The following DGKI variants were observed in gnomAD, a reference collection of about 807,000 sequenced individuals.
The protein encoded by DGKI is diacylglycerol kinase iota.
DGKI carries 55 observed loss-of-function variants against 147.5 expected under a neutral mutation model. That is an observed-to-expected ratio of 0.37 (90% CI 0.30 to 0.47). DGKI has a LOEUF of 0.47. DGKI is among the 20% of genes least tolerant of loss of function. The pLI is 1.00. For missense variants in DGKI, 1,007 were observed against 1,323.8 expected (o/e 0.76, Z 3.71); for synonymous variants, 469 against 477.1 (o/e 0.98, Z 0.22).
chr7:137,456,466 C>A (rs1358268058), intron 27 of DGKI, among the ~76,000 whole-genome samples: 2 of 152,088 alleles, frequency 1.3e-5, no homozygotes, highest in African/African-American at 4.8e-5. Context: ...TCTATTCATC[C>A]CAAAAGCCTG....
At position 137,678,546 on chromosome 7, in the gene DGKI, C is replaced by T. The variant is rs764831520; in HGVS notation, c.606+11G>A. 2.8e-5 allele frequency: 45 copies of T among 1,613,256 alleles called. No homozygotes were observed. The highest frequency in any genetic ancestry group is 2.0e-4 in the African/African-American group (15 of 74,900). ...CAGGCCTTCCCCCAGCAAGACGGAG[C>T]GCACACTCACTGCAAATCTGACTTG... On this transcript the variant is annotated intron_variant, in intron 3 of 32. Transcript: ENST00000614521.
At chr7:137,495,502 C>CAAAAA (rs34551145) in intron 21 of DGKI, among the ~76,000 whole-genome samples, 3 of 57,384 alleles carry the variant, frequency 5.2e-5, no homozygotes, top group African/African-American at 1.1e-4. Context: ...CTGGCAGAGA[C>CAAAAA]AAAAAAAAAA....
At chr7:137,464,710 A>G (rs1288177413) in intron 26 of DGKI, among the ~76,000 whole-genome samples, 2 of 152,238 alleles carry the variant, frequency 1.3e-5, no homozygotes, top group Admixed American at 1.3e-4. Context: ...CACAAATAGC[A>G]GCAGTGAACC....
Position 137,846,134 on chromosome 7 carries a change from T to TTCTC in DGKI, c.401+324_401+327dup, listed in dbSNP as rs775814446. Among the ~76,000 whole-genome samples, 6,116 of 84,472 alleles carry TTCTC rather than the reference T, an allele frequency of 0.072. 232 individuals carry two copies. The highest frequency in any genetic ancestry group is 0.09 in the Non-Finnish European group (4,035 of 44,588). The allele number at this position is 84,472 out of a possible 152,430, so 55.4% of individuals were successfully genotyped here. ...TCTGCAACCCTTTCTCTCTCTCTCT[T>TTCTC]TCTCTCTCTCTCTCTCTCTCTCTCT... On this transcript the variant is annotated intron_variant, in intron 1 of 32. Coordinates refer to ENST00000614521, the MANE Select transcript of DGKI (RefSeq NM_001321708.2). This position sits in a 1 kb window ranked among gnomAD's most constrained non-coding sequence, Gnocchi z 4.0.
chr7:137,625,833 G>T (rs759674806), intron 6 of DGKI, among the ~76,000 whole-genome samples: 11 of 151,942 alleles, frequency 7.2e-5, no homozygotes, highest in Non-Finnish European at 1.5e-4. Context: ...TATGTGCAAT[G>T]CAGAGACCTG....
At chr7:137,496,356 A>C (rs1271724796) in intron 21 of DGKI, among the ~76,000 whole-genome samples, 1 of 152,132 alleles carries the variant, frequency 6.6e-6, no homozygotes, top group African/African-American at 2.4e-5. Flanking sequence ...GATAGGAAGA[A>C]TCAATATCAC....
At chr7:137,811,380 TCTCTCACACACA>T (rs1468276297) in intron 1 of DGKI, among the ~76,000 whole-genome samples, 13 of 104,052 alleles carry the variant, frequency 1.2e-4, no homozygotes, top group African/African-American at 3.7e-4. Flanking sequence ...TCTCTCTCTC[TCTCTCACACACA>T]CACACACACA....
intron 3 of DGKI, among the ~76,000 whole-genome samples, chr7:137,662,046 G>T (rs1463323742): frequency 2.0e-5 from 3 of 152,190 alleles, no homozygotes; most frequent in African/African-American, 4.8e-5. Context: ...CTTCTCTGGG[G>T]AGTCTGGGAT....
intron 27 of DGKI, among the ~76,000 whole-genome samples, chr7:137,456,655 G>A (rs567177677): frequency 6.6e-6 from 1 of 152,280 alleles, no homozygotes; most frequent in African/African-American, 2.4e-5. Context: ...TTTTACAAAT[G>A]TAAAAAGAGA....
intron 22 of DGKI, among the ~76,000 whole-genome samples, chr7:137,486,913 A>C (rs979388008): frequency 2.0e-5 from 3 of 151,780 alleles, no homozygotes; most frequent in African/African-American, 4.8e-5. Context: ...ATCTTTCATC[A>C]AAAAAAATGA....
At chr7:137,728,805 G>A (rs750711640) in intron 1 of DGKI, among the ~76,000 whole-genome samples, 2 of 152,128 alleles carry the variant, frequency 1.3e-5, no homozygotes, top group Non-Finnish European at 2.9e-5. Flanking sequence ...TCACATGAAA[G>A]TTAAATCTGG....
chr7:137,735,115 T>C (rs1216152524), intron 1 of DGKI, among the ~76,000 whole-genome samples: 3 of 152,140 alleles, frequency 2.0e-5, no homozygotes, highest in African/African-American at 7.2e-5. Context: ...ATGCTGAAAT[T>C]AGACTCATCT....
At chr7:137,733,782 T>A (rs1302204801) in intron 1 of DGKI, among the ~76,000 whole-genome samples, 1 of 152,026 alleles carries the variant, frequency 6.6e-6, no homozygotes, top group Non-Finnish European at 1.5e-5. Context: ...GAGTTAAAAT[T>A]TTAAGAGATT....
chr7:137,604,554 C>T (rs907069010), intron 10 of DGKI, among the ~76,000 whole-genome samples: 1 of 152,124 alleles, frequency 6.6e-6, no homozygotes, highest in Non-Finnish European at 1.5e-5. Flanking sequence ...ACACCTCTTC[C>T]TCGATCACCC....
At chr7:137,669,153 A>C (rs1291143297) in intron 3 of DGKI, among the ~76,000 whole-genome samples, 1 of 152,172 alleles carries the variant, frequency 6.6e-6, no homozygotes, top group Non-Finnish European at 1.5e-5. Flanking sequence ...CGCTTCATCA[A>C]CACATTACCT....
intron 1 of DGKI, among the ~76,000 whole-genome samples, chr7:137,811,384 T>TCACACACA (rs55647700): frequency 4.5e-5 from 6 of 132,114 alleles, no homozygotes; most frequent in African/African-American, 1.5e-4. Flanking sequence ...TCTCTCTCTC[T>TCACACACA]CACACACACA....
Position 137,618,151 on chromosome 7 carries a change from A to ATATATATATATTTTT in DGKI, c.993+1672_993+1673insAAAAATATATATATA. Among the ~76,000 whole-genome samples, 91 of 10,448 alleles carry ATATATATATATTTTT rather than the reference A, an allele frequency of 8.7e-3. 2 individuals carry two copies. The highest frequency in any genetic ancestry group is 0.011 in the African/African-American group (87 of 7,994). 6.9% of individuals were successfully genotyped at this position (10,448 alleles called of 152,430 possible). On this transcript the variant is annotated intron_variant, in intron 8 of 32. Transcript: ENST00000614521. ...ACTATATATATATATATATATATAT[A>ATATATATATATTTTT]TTTTTTTTTTTTTACTCTATCATTC...
At chr7:137,459,413 T>G (rs1246198293) in intron 27 of DGKI, among the ~76,000 whole-genome samples, 1 of 152,058 alleles carries the variant, frequency 6.6e-6, no homozygotes, top group African/African-American at 2.4e-5. Flanking sequence ...TACTTTTTTC[T>G]TTTAAATCAG....
At chr7:137,652,133 A>T (rs1395733261) in intron 5 of DGKI, among the ~76,000 whole-genome samples, 1 of 152,168 alleles carries the variant, frequency 6.6e-6, no homozygotes, top group Admixed American at 6.5e-5. Context: ...GGGTTTTTTT[A>T]AAGATAGAAA....
Sources: allele counts gnomAD v4.1 joint callset (sites outside exome capture counted in the v4.1 genomes callset), GRCh38; gene constraint gnomAD v4.1.1; non-coding constraint Gnocchi (gnomAD v3.1); transcripts MANE v1.5; gene names NCBI Gene and HGNC (gene_info 2026-07-23, HGNC 2026-07-21).